CNNM3: variants seen among roughly 807,000 people sequenced by gnomAD.
The protein encoded by CNNM3 is cyclin and CBS domain divalent metal cation transport mediator 3.
In CNNM3, 47 loss-of-function variants were observed where a neutral mutation model predicts 57.1. The ratio of observed to expected loss-of-function variants is 0.82; its 90% CI spans 0.65 to 1.05. The LOEUF is 1.05. Among genes scored for constraint, CNNM3 ranks in the 50% least tolerant of loss-of-function variants. CNNM3 has a pLI of 0.00. For synonymous variants in CNNM3, 507 were observed against 478.2 expected (o/e 1.06, Z -0.79); for missense variants, 957 against 973.7 (o/e 0.98, Z 0.23).
In CNNM3 at chr2:96,832,907, T is replaced by TC. The variant is rs1408636408; in HGVS notation, c.*295dup. 6.9e-7 allele frequency: 1 copy of TC among 1,451,534 alleles called. No homozygotes were observed. The allele number at this position is 1,451,534 out of a possible 1,614,324, so 89.9% of individuals were successfully genotyped here. A position where few individuals can be genotyped will look rare whatever the true frequency, so the allele number is the denominator to read the frequency against. On this transcript the variant is annotated 3_prime_UTR_variant, in exon 8 of 8. Coordinates refer to ENST00000305510, the MANE Select transcript of CNNM3 (RefSeq NM_017623.5). ...ATCTCTAGTTCCCAGGGCCCAGCCT[T>TC]CCCCTTCTCCCCCGGGGCAGGGACA...
chr2:96,828,512 G>A, intron 5 of CNNM3, 55 bp from the exon 6 acceptor site: 1 of 1,609,790 alleles, frequency 6.2e-7, no homozygotes, highest in Non-Finnish European at 8.5e-7. Context: ...CACCAGGGGA[G>A]GAGGCTCCCA....
rs1407382033 is a variant in CNNM3, at chr2:96,834,984, ACT to A, written c.*2371_*2372del. On this transcript the variant is annotated 3_prime_UTR_variant, in exon 8 of 8. Coordinates refer to ENST00000305510, the MANE Select transcript of CNNM3 (RefSeq NM_017623.5). ...GTTGTAATGCAGTATTCCAACAAAGACTCTGACACTGGTGCGATGTGGGTGGA... is the reference window on the plus strand; with the variant it reads ...GTTGTAATGCAGTATTCCAACAAAGACTGACACTGGTGCGATGTGGGTGGA... Among the ~76,000 whole-genome samples the A allele has an allele frequency of 1.3e-5, 2 of 152,168 alleles. No homozygotes were observed. The highest frequency in any genetic ancestry group is 3.9e-4 in the East Asian group (2 of 5,172).
In CNNM3 at chr2:96,833,264, G is replaced by A. The variant is rs1301689919; in HGVS notation, c.*648G>A. ...CTGGAGGCTGCTCTTCTGATTCTGA[G>A]AGCTGGCCTAGTGGTGCTGAGGGCC... On this transcript the variant is annotated 3_prime_UTR_variant, in exon 8 of 8. Coordinates refer to ENST00000305510, the MANE Select transcript of CNNM3 (RefSeq NM_017623.5). 2.9e-6 allele frequency: 1 copy of A among 341,912 alleles called. No individual in the cohort carries two copies. The highest frequency in any genetic ancestry group is 5.8e-6 in the Non-Finnish European group (1 of 173,234). The allele number at this position is 341,912 out of a possible 1,614,324, so 21.2% of individuals were successfully genotyped here. A position where few individuals can be genotyped will look rare whatever the true frequency, so the allele number is the denominator to read the frequency against.
chr2:96,828,227 A>G (rs759210467), intron 5 of CNNM3, 32 bp downstream of exon 5: 1 of 1,545,010 alleles, frequency 6.5e-7, no homozygotes, highest in Non-Finnish European at 8.9e-7. Flanking sequence ...GCTGAGGGCC[A>G]GGGTGGAGGC....
chr2:96,819,276 G>T (rs1267011247), intron 1 of CNNM3, among the ~76,000 whole-genome samples: 1 of 152,216 alleles, frequency 6.6e-6, no homozygotes, highest in Non-Finnish European at 1.5e-5. Flanking sequence ...GGTTCTCCTG[G>T]TGTGGTGGCC....
At chr2:96,830,561 C>T (rs1195558073) in intron 7 of CNNM3, among the ~76,000 whole-genome samples, 1 of 152,210 alleles carries the variant, frequency 6.6e-6, no homozygotes, top group Non-Finnish European at 1.5e-5. Flanking sequence ...CACCCTGGGC[C>T]ATGTGGATGC....
At chr2:96,831,230 C>G (rs1339108311) in intron 7 of CNNM3, among the ~76,000 whole-genome samples, 1 of 152,208 alleles carries the variant, frequency 6.6e-6, no homozygotes, top group African/African-American at 2.4e-5. Flanking sequence ...TGAGGCTGGC[C>G]TGCTGTCTTT....
chr2:96,824,892 C>T (rs2153354646), intron 1 of CNNM3, 166 bp from the exon 2 acceptor site: 7 of 708,188 alleles, frequency 9.9e-6, no homozygotes, highest in Admixed American at 2.8e-5. Context: ...CTCATAATCA[C>T]GCTGGGAGTC....
rs530049052 is a variant in CNNM3 at position 96,829,218 on chromosome 2, C to T, written c.2059+84C>T. 6.9e-5 allele frequency: 100 copies of T among 1,456,758 alleles called. 1 individual carries two copies. The South Asian group carries it at 1.4e-3, about 21-fold the overall frequency. 90.2% of individuals were successfully genotyped at this position (1,456,758 alleles called of 1,614,324 possible). A position where few individuals can be genotyped will look rare whatever the true frequency, so the allele number is the denominator to read the frequency against. ...CACACAGACTTGCACTCTCGCCGCC[C>T]CCCCACCCTCTGTCTTTTTTCTCTC... On this transcript the variant is annotated intron_variant, in intron 7 of 7. Coordinates refer to ENST00000305510, the MANE Select transcript of CNNM3 (RefSeq NM_017623.5).
chr2:96,835,390 C>G (rs952855434), downstream of CNNM3, among the ~76,000 whole-genome samples: 7 of 151,774 alleles, frequency 4.6e-5, no homozygotes, highest in Admixed American at 4.6e-4. Flanking sequence ...GTACAGGTTT[C>G]TGTGTCAGGA....
rs1416787519 is a variant in CNNM3 at position 96,827,816 on chromosome 2, G to A, written c.1605G>A (p.Arg535=). 4 of 1,614,166 alleles carry A rather than the reference G, an allele frequency of 2.5e-6. No individual in the cohort carries two copies. Among genetic ancestry groups the A allele is most frequent in the Middle Eastern group, 1.6e-4 (1 of 6,062 alleles). The part of the protein sequence containing the change: ...LKHPSVNQEV[R]FDESNRLATH... The stretch of plus-strand genomic sequence containing the variant: ...ATCCCAGTGTCAACCAGGAAGTGAG[G>A]TTTGACGAGAGCAACCGGCTGGCCA... Residue 535 remains arginine, a synonymous_variant, in exon 4 of 8, where the codon AGG becomes AGA. Transcript: ENST00000305510.
chr2:96,828,903 C>A, intron 6 of CNNM3, 93 bp from the exon 7 acceptor site: 1 of 1,562,478 alleles, frequency 6.4e-7, no homozygotes. Flanking sequence ...TAAAGTTGTG[C>A]CTCTGTCCTC....
At position 96,816,703 on chromosome 2, in the gene CNNM3, C is replaced by T. The variant is rs1375135431; in HGVS notation, c.426C>T (p.Ala142=). Residue 142 remains alanine, a synonymous_variant, in exon 1 of 8, where the codon GCC becomes GCT. Coordinates refer to ENST00000305510, the MANE Select transcript of CNNM3 (RefSeq NM_017623.5). The part of the protein sequence containing the change: ...APPWALGLGA[A]GLLALAALAR... ...CCTGGGCTCTGGGCCTGGGGGCGGC[C>T]GGGCTGCTGGCGCTGGCAGCGCTGG... 9.9e-7 allele frequency: 1 copy of T among 1,013,594 alleles called. No homozygotes were observed. Among genetic ancestry groups the T allele is most frequent in the Non-Finnish European group, 1.2e-6 (1 of 850,418 alleles). 62.8% of individuals were successfully genotyped at this position (1,013,594 alleles called of 1,614,324 possible). A position where few individuals can be genotyped will look rare whatever the true frequency, so the allele number is the denominator to read the frequency against.
At chr2:96,827,265 C>CTTT (rs373030542) in intron 3 of CNNM3, among the ~76,000 whole-genome samples, 10 of 134,760 alleles carry the variant, frequency 7.4e-5, no homozygotes, top group Non-Finnish European at 1.3e-4. Flanking sequence ...CTGCCCAGTT[C>CTTT]TTTTTTTTTT....
At chr2:96,820,112 T>G (rs1407041219) in intron 1 of CNNM3, among the ~76,000 whole-genome samples, 1 of 152,184 alleles carries the variant, frequency 6.6e-6, no homozygotes, top group Non-Finnish European at 1.5e-5. Context: ...GTAACAATTG[T>G]GGACACCAGC....
At chr2:96,831,384 G>A (rs1427567263) in intron 7 of CNNM3, among the ~76,000 whole-genome samples, 2 of 152,222 alleles carry the variant, frequency 1.3e-5, no homozygotes, top group Admixed American at 6.5e-5. Context: ...CCAGTTTCTG[G>A]AGACCTTGGC....
rs376695417 is a variant in CNNM3, at chr2:96,818,401, CT to C, written c.1225+904del. The stretch of plus-strand genomic sequence containing the variant: ...CCCGGCCCTTTTTTTTTTTTTTTTG[CT>C]TTTTAATCTCCTGTTTTTTAAAATT... On this transcript the variant is annotated intron_variant, in intron 1 of 7. Coordinates refer to ENST00000305510, the MANE Select transcript of CNNM3 (RefSeq NM_017623.5). 6.8e-4 allele frequency among the ~76,000 whole-genome samples: 83 copies of C among 122,306 alleles called. 3 individuals carry two copies. The South Asian group carries it at 0.021, about 31-fold the overall frequency. The allele number at this position is 122,306 out of a possible 152,430, so 80.2% of individuals were successfully genotyped here.
At chr2:96,829,356 A>T in intron 7 of CNNM3, 1 of 450,456 alleles carries the variant, frequency 2.2e-6, no homozygotes, top group Non-Finnish European at 2.9e-6. Flanking sequence ...GCTGGAGTAC[A>T]ATGGTGTGAT....
At position 96,816,303 on chromosome 2, in the gene CNNM3, G is replaced by A. The variant is rs1472762055; in HGVS notation, c.26G>A (p.Gly9Asp). 3.1e-6 allele frequency: 4 copies of A among 1,289,120 alleles called. No homozygotes were observed. The highest frequency in any genetic ancestry group is 3.8e-5 in the Admixed American group (1 of 26,322). 79.9% of individuals were successfully genotyped at this position (1,289,120 alleles called of 1,614,324 possible). A position where few individuals can be genotyped will look rare whatever the true frequency, so the allele number is the denominator to read the frequency against. The part of the protein sequence containing the change: MAAAVAAA[G>D]RLGWLFAALC... ...ATGGCGGCGGCGGTAGCTGCGGCGG[G>A]TCGGTTAGGCTGGTTGTTCGCCGCG... The change falls in exon 1 of 8, where the codon GGT becomes GAT. Residue 9 changes from glycine (G) to aspartate (D), a missense_variant. By Grantham distance (94) the Gly-to-Asp change is moderately conservative (BLOSUM62 -1). Coordinates refer to ENST00000305510, the MANE Select transcript of CNNM3 (RefSeq NM_017623.5).
Sources: allele counts gnomAD v4.1 joint callset (sites outside exome capture counted in the v4.1 genomes callset), GRCh38; gene constraint gnomAD v4.1.1; transcripts MANE v1.5; gene names NCBI Gene and HGNC (gene_info 2026-07-23, HGNC 2026-07-21).